Variants in PSKH2 observed in about 807,000 individuals in gnomAD.
PSKH2 encodes serine/threonine-protein kinase H2.
A neutral mutation model predicts 22.5 loss-of-function variants in PSKH2; 16 were observed. The ratio of observed to expected loss-of-function variants is 0.71; its 90% CI spans 0.48 to 1.08. The LOEUF is 1.08. Among genes scored for constraint, PSKH2 ranks in the 50% least tolerant of loss-of-function variants. The pLI is 0.00. For missense variants in PSKH2, 516 were observed against 492.8 expected (o/e 1.05, Z -0.44); for synonymous variants, 188 against 184.8 (o/e 1.02, Z -0.14).
intron 1 of PSKH2, among the ~76,000 whole-genome samples, chr8:86,065,854 C>T (rs765925493): frequency 5.9e-5 from 9 of 151,928 alleles, no homozygotes; most frequent in Non-Finnish European, 7.4e-5. Context: ...GCTGTAGCCC[C>T]GGCTACTGAG....
chr8:86,059,340 T>C (rs1347363936), intron 2 of PSKH2, among the ~76,000 whole-genome samples: 1 of 150,360 alleles, frequency 6.7e-6, no homozygotes, highest in Admixed American at 6.6e-5. Context: ...AAAACCTTTC[T>C]GAAAAAAGGC....
intron 2 of PSKH2, among the ~76,000 whole-genome samples, chr8:86,050,810 T>G (rs1817619719): frequency 6.6e-6 from 1 of 152,220 alleles, no homozygotes; most frequent in South Asian, 2.1e-4. Flanking sequence ...CCATGTATTG[T>G]CTCTGCCATT....
intron 2 of PSKH2, among the ~76,000 whole-genome samples, chr8:86,061,638 A>G (rs926360750): frequency 6.6e-6 from 1 of 152,160 alleles, no homozygotes; most frequent in African/African-American, 2.4e-5. Flanking sequence ...GCACATGGAG[A>G]AACCCGTGGA....
intron 2 of PSKH2, among the ~76,000 whole-genome samples, chr8:86,057,427 C>T (rs1817715962): frequency 6.6e-6 from 1 of 151,820 alleles, no homozygotes; most frequent in Admixed American, 6.6e-5. Flanking sequence ...GGCTGGAGTG[C>T]AGTGGCTGGA....
intron 2 of PSKH2, among the ~76,000 whole-genome samples, chr8:86,059,925 T>A (rs1341071258): frequency 1.3e-5 from 2 of 152,212 alleles, no homozygotes; most frequent in Non-Finnish European, 2.9e-5. Flanking sequence ...AAGATTTGCA[T>A]CTGTAGAGGA....
chr8:86,061,552 A>C (rs2130162630), intron 2 of PSKH2, among the ~76,000 whole-genome samples: 1 of 152,242 alleles, frequency 6.6e-6, no homozygotes, highest in South Asian at 2.1e-4. Flanking sequence ...AGGACTGGCA[A>C]CTTCCATACC....
upstream of PSKH2, among the ~76,000 whole-genome samples, chr8:86,069,924 C>T (rs1003591060): frequency 6.6e-6 from 1 of 152,090 alleles, no homozygotes; most frequent in Non-Finnish European, 1.5e-5. Context: ...ACAAAGTGAA[C>T]ATATAAAATT....
chr8:86,047,718 G>A lies in PSKH2; in HGVS notation c.*744C>T, dbSNP rs1351021369. 6.6e-6 allele frequency among the ~76,000 whole-genome samples: 1 copy of A among 151,992 alleles called. No individual in the cohort carries two copies. Among genetic ancestry groups the A allele is most frequent in the Non-Finnish European group, 1.5e-5 (1 of 67,982 alleles). ...CATGGTGAGTGTTTAAAGTCATCAA[G>A]ATATTTGATTAAATAATTCTAAAAG... On this transcript the variant is annotated 3_prime_UTR_variant, in exon 3 of 3. Coordinates refer to ENST00000276616, the MANE Select transcript of PSKH2 (RefSeq NM_033126.3).
rs779948319 is a variant in PSKH2, at chr8:86,063,989, T to G, written c.828A>C (p.Lys276Asn). The change falls in exon 2 of 3, where the codon AAA (lysine) becomes AAC (asparagine). Residue 276 changes from lysine (K) to asparagine (N), a missense_variant. Transcript: ENST00000276616. ...CCTCTCCTGTATAATTATATTTGCCTTTCAGAATCTTCCTGTAAAGCCTTG... is the reference window on the plus strand; with the variant it reads ...CCTCTCCTGTATAATTATATTTGCCGTTCAGAATCTTCCTGTAAAGCCTTG... Reference protein sequence around the residue: ...SQTRLYRKILKGKYNYTGEPW... With the variant: ...SQTRLYRKILNGKYNYTGEPW... 1 of 1,613,242 alleles carries G rather than the reference T, an allele frequency of 6.2e-7. No homozygotes were observed. Among genetic ancestry groups the G allele is most frequent in the Non-Finnish European group, 8.5e-7 (1 of 1,179,664 alleles).
In PSKH2 at chr8:86,064,066, T is replaced by G; in HGVS notation, c.751A>C (p.Ile251Leu). The G allele has an allele frequency of 6.2e-7, 1 of 1,614,140 alleles. No homozygotes were observed. Among genetic ancestry groups the G allele is most frequent in the Non-Finnish European group, 8.5e-7 (1 of 1,179,992 alleles). Residue 251 changes from isoleucine (I) to leucine (L), a missense_variant, in exon 2 of 3, where the codon ATC (isoleucine) becomes CTC (leucine). Transcript: ENST00000276616. ...SAVDMWALGV[I>L]TYALLSGFLP... is the part of the protein sequence containing the mutation. Reference sequence around the variant, plus strand: ...AATCCGCTAAGTAAAGCATATGTGATCACACCAAGAGCCCACATGTCCACT... The same window carrying G: ...AATCCGCTAAGTAAAGCATATGTGAGCACACCAAGAGCCCACATGTCCACT...
chr8:86,059,208 TG>T (rs1817745018), intron 2 of PSKH2, among the ~76,000 whole-genome samples: 1 of 152,214 alleles, frequency 6.6e-6, no homozygotes, highest in Non-Finnish European at 1.5e-5. Context: ...CCCAAAGTTT[TG>T]GGATTACAGG....
intron 1 of PSKH2, among the ~76,000 whole-genome samples, chr8:86,065,712 C>A (rs981988718): frequency 1.3e-5 from 2 of 152,108 alleles, no homozygotes; most frequent in Non-Finnish European, 2.9e-5. Flanking sequence ...GTGGGCTCAT[C>A]GTGTAATCCC....
chr8:86,049,714 GAAA>G (rs1563538585), intron 2 of PSKH2, among the ~76,000 whole-genome samples: 687 of 62,388 alleles, frequency 0.011, 18 homozygotes, highest in Middle Eastern at 0.065. Flanking sequence ...AAGAAAGAAA[GAAA>G]GAAAGAAAGA....
At position 86,047,800 on chromosome 8, in the gene PSKH2, T is replaced by A. The variant is rs1817547765; in HGVS notation, c.*662A>T. Among the ~76,000 whole-genome samples the A allele has an allele frequency of 6.6e-6, 1 of 151,910 alleles. No homozygotes were observed. The highest frequency in any genetic ancestry group is 6.6e-5 in the Admixed American group (1 of 15,244). ...AGTGATAAGAAGCAAGATGTTTATA[T>A]TTTTTTGTAAACCCTGGTGGTTGAT... On this transcript the variant is annotated 3_prime_UTR_variant, in exon 3 of 3. Coordinates refer to ENST00000276616, the MANE Select transcript of PSKH2 (RefSeq NM_033126.3).
At position 86,048,472 on chromosome 8, in the gene PSKH2, G is replaced by A. The variant is rs140474080; in HGVS notation, c.1148C>T (p.Ala383Val). 2.2e-4 allele frequency: 362 copies of A among 1,611,104 alleles called. No homozygotes were observed. The highest frequency in any genetic ancestry group is 2.9e-4 in the Non-Finnish European group (339 of 1,177,602). ...NLRIVESPLS[A>V]LL ...TTAGAGGTCATCTGCTTACAAAAGC[G>A]CAGACAGTGGCGATTCTACTATCCT... is the stretch of plus-strand genomic sequence containing the variant. The change falls in exon 3 of 3, where the codon GCG (alanine) becomes GTG (valine). Residue 383 changes from alanine to valine, a missense_variant. By Grantham distance (64) the Ala-to-Val change is moderately conservative (BLOSUM62 0). Coordinates refer to ENST00000276616, the MANE Select transcript of PSKH2 (RefSeq NM_033126.3).
intron 2 of PSKH2, among the ~76,000 whole-genome samples, chr8:86,052,166 G>A (rs1817641061): frequency 6.6e-6 from 1 of 151,992 alleles, no homozygotes; most frequent in Non-Finnish European, 1.5e-5. Context: ...AGGTTGAATC[G>A]AATACCCACT....
chr8:86,062,349 A>T (rs1817790005), intron 2 of PSKH2, among the ~76,000 whole-genome samples: 1 of 152,238 alleles, frequency 6.6e-6, no homozygotes, highest in Non-Finnish European at 1.5e-5. Context: ...CCTTTGCTGC[A>T]TCTGGGATTA....
At chr8:86,049,296 C>T (rs1352622841) in intron 2 of PSKH2, among the ~76,000 whole-genome samples, 5 of 152,022 alleles carry the variant, frequency 3.3e-5, no homozygotes, top group African/African-American at 7.2e-5. Context: ...CAGTAGCTCA[C>T]GTTTGTAATC....
At chr8:86,068,047 TGACTACAAATGACCAGA>T (rs1259684970) in intron 1 of PSKH2, among the ~76,000 whole-genome samples, 3 of 152,252 alleles carry the variant, frequency 2.0e-5, no homozygotes, top group Admixed American at 1.3e-4. Context: ...ATCATCTCTC[TGACTACAAATGACCAGA>T]GATGCCATTT....
Sources: allele counts gnomAD v4.1 joint callset (sites outside exome capture counted in the v4.1 genomes callset), GRCh38; gene constraint gnomAD v4.1.1; transcripts MANE v1.5; gene names NCBI Gene and HGNC (gene_info 2026-07-23, HGNC 2026-07-21).